Variants in RMND1 observed in about 807,000 individuals in gnomAD.
The protein encoded by RMND1 is required for meiotic nuclear division protein 1 homolog.
Under a neutral mutation model 54.0 loss-of-function variants are expected in RMND1, and 41 were observed. That is an observed-to-expected ratio of 0.76 (90% CI 0.59 to 0.98). The LOEUF (loss-of-function observed/expected upper bound fraction) is 0.98. RMND1 is among the 50% of genes least tolerant of loss of function. The probability of loss-of-function intolerance (pLI) is 0.00; values close to 1 mark genes in which losing one functional copy is unlikely to be tolerated. For synonymous variants in RMND1, 183 were observed against 181.7 expected (o/e 1.01, Z -0.06); for missense variants, 457 against 532.0 (o/e 0.86, Z 1.39).
chr6:151,435,292 C>T (rs569290385), intron 3 of RMND1, among the ~76,000 whole-genome samples: 15 of 151,998 alleles, frequency 9.9e-5, no homozygotes, highest in African/African-American at 2.7e-4. Context: ...ACTACAGGCT[C>T]GTGCCACCAT....
Position 151,430,914 on chromosome 6 carries a change from C to CTTAAG in RMND1, c.690-738_690-737insCTTAA, listed in dbSNP as rs143610281. ...GCTCCACGTTATTCTTGAAACATTT[C>CTTAAG]TAAAGTACTTAGTATATGTGTGGGT... On this transcript the variant is annotated intron_variant, in intron 4 of 11. Transcript: ENST00000444024. 8.8e-3 allele frequency among the ~76,000 whole-genome samples: 1,330 copies of CTTAAG among 150,876 alleles called. 20 individuals carry two copies. Among genetic ancestry groups the CTTAAG allele is most frequent in the African/African-American group, 0.03 (1,197 of 40,350 alleles).
At chr6:151,434,391 AC>A (rs1203065111) in intron 3 of RMND1, among the ~76,000 whole-genome samples, 1 of 150,804 alleles carries the variant, frequency 6.6e-6, no homozygotes, top group Non-Finnish European at 1.5e-5. Context: ...GGCAATTCAG[AC>A]ACAGACCAAA....
intron 6 of RMND1, among the ~76,000 whole-genome samples, chr6:151,427,159 A>T (rs1160528968): frequency 3.3e-5 from 5 of 150,352 alleles, no homozygotes. Flanking sequence ...TGGGCGGATC[A>T]CCAGGTCGAG....
chr6:151,426,645 T>C (rs1162793984), intron 6 of RMND1, among the ~76,000 whole-genome samples: 2 of 152,218 alleles, frequency 1.3e-5, no homozygotes, highest in Non-Finnish European at 2.9e-5. Flanking sequence ...AAACTTAACA[T>C]TTCCATTTTG....
At chr6:151,437,897 A>G (rs568004782) in intron 2 of RMND1, among the ~76,000 whole-genome samples, 1 of 152,298 alleles carries the variant, frequency 6.6e-6, no homozygotes. Flanking sequence ...CAAAATCAAT[A>G]AAGTATCTAC....
At chr6:151,421,419 A>G in intron 8 of RMND1, 98 bp from the exon 9 acceptor site, 1 of 728,454 alleles carries the variant, frequency 1.4e-6, no homozygotes, top group Non-Finnish European at 2.3e-6. Context: ...CATAATTTGG[A>G]TCCTATGTAA....
At chr6:151,451,325 G>C (rs967771237) in intron 1 of RMND1, among the ~76,000 whole-genome samples, 3 of 151,338 alleles carry the variant, frequency 2.0e-5, no homozygotes, top group African/African-American at 7.3e-5. Context: ...TACTGCAAAC[G>C]AACTCAGTTC....
chr6:151,419,333 G>A (rs1179672414), intron 9 of RMND1, among the ~76,000 whole-genome samples: 4 of 151,804 alleles, frequency 2.6e-5, no homozygotes, highest in Admixed American at 2.6e-4. Context: ...CCAAAGTGCT[G>A]GCATTACAGG....
intron 6 of RMND1, 48 bp downstream of exon 6, chr6:151,427,434 A>G (rs769617651): frequency 4.3e-6 from 5 of 1,155,508 alleles, no homozygotes; most frequent in Non-Finnish European, 6.5e-6. Context: ...TGCTTTACCT[A>G]ATTTATTCCA....
intron 2 of RMND1, among the ~76,000 whole-genome samples, chr6:151,442,066 G>A (rs2114966599): frequency 6.6e-6 from 1 of 152,262 alleles, no homozygotes. Flanking sequence ...GTAGGAGGAG[G>A]AAGAGGTCCC....
At chr6:151,450,607 G>T (rs1359216549) in intron 1 of RMND1, among the ~76,000 whole-genome samples, 1 of 142,846 alleles carries the variant, frequency 7.0e-6, no homozygotes, top group Non-Finnish European at 1.5e-5. Context: ...CCGGCCAGCC[G>T]CCCCGTCCGG....
intron 10 of RMND1, among the ~76,000 whole-genome samples, chr6:151,412,217 G>C (rs182776868): frequency 5.7e-4 from 87 of 152,268 alleles, no homozygotes; most frequent in African/African-American, 2.0e-3. Context: ...AGCCACGCTG[G>C]CCTTGAACTC....
chr6:151,407,306 C>T (rs1562780855), intron 10 of RMND1, among the ~76,000 whole-genome samples: 1 of 152,098 alleles, frequency 6.6e-6, no homozygotes, highest in East Asian at 1.9e-4. Context: ...CTTTCCCCTC[C>T]CTGTTTTCCT....
At chr6:151,443,972 ATT>A (rs1780870299) in intron 2 of RMND1, among the ~76,000 whole-genome samples, 1 of 152,196 alleles carries the variant, frequency 6.6e-6, no homozygotes, top group Non-Finnish European at 1.5e-5. Flanking sequence ...GAAAGTATTT[ATT>A]ATCTCATTTG....
chr6:151,450,398 G>A lies in RMND1; in HGVS notation c.-15+1618C>T, dbSNP rs529860832. Among the ~76,000 whole-genome samples, 8 of 145,754 alleles carry A rather than the reference G, an allele frequency of 5.5e-5. No individual in the cohort carries two copies. In the South Asian group the frequency reaches 1.7e-3, roughly 31 times the overall value. ...CCAGGCCAGCCACCCCATCCGGGAGGGAGGTGGGGGTCAGCCCCCCGCCCG... is the reference window on the plus strand; with the variant it reads ...CCAGGCCAGCCACCCCATCCGGGAGAGAGGTGGGGGTCAGCCCCCCGCCCG... On this transcript the variant is annotated intron_variant, in intron 1 of 11. Transcript: ENST00000444024.
intron 6 of RMND1, among the ~76,000 whole-genome samples, 191 bp from the exon 7 acceptor site, chr6:151,423,822 A>G (rs1780218751): frequency 6.6e-6 from 1 of 151,422 alleles, no homozygotes; most frequent in South Asian, 2.1e-4. Flanking sequence ...ATAATCTAAG[A>G]TGCAAAGAAA....
At chr6:151,445,985 A>T in intron 1 of RMND1, 160 bp from the exon 2 acceptor site, 1 of 668,954 alleles carries the variant, frequency 1.5e-6, no homozygotes, top group Non-Finnish European at 2.4e-6. Flanking sequence ...ATATAAGTAC[A>T]GTGTTTCTGC....
In RMND1 at chr6:151,443,217, C is replaced by T. The variant is rs188521933; in HGVS notation, c.504+2091G>A. On this transcript the variant is annotated intron_variant, in intron 2 of 11. Transcript: ENST00000444024. ...AGTCTTTGGTCCTGGGGACATATTA[C>T]CTAGTCATGCCAAGACTGCTTTCTC... is the stretch of plus-strand genomic sequence containing the variant. 3.9e-3 allele frequency among the ~76,000 whole-genome samples: 589 copies of T among 152,270 alleles called. 5 individuals carry two copies. Among genetic ancestry groups the T allele is most frequent in the Middle Eastern group, 0.014 (4 of 294 alleles).
intron 9 of RMND1, among the ~76,000 whole-genome samples, chr6:151,417,819 T>A (rs1326001957): frequency 6.6e-6 from 1 of 151,972 alleles, no homozygotes; most frequent in East Asian, 1.9e-4. Flanking sequence ...CAATTTTTTT[T>A]TTTTTTTTGA....
Sources: allele counts gnomAD v4.1 joint callset (sites outside exome capture counted in the v4.1 genomes callset), GRCh38; gene constraint gnomAD v4.1.1; transcripts MANE v1.5; gene names NCBI Gene and HGNC (gene_info 2026-07-23, HGNC 2026-07-21).